Variants in ZCCHC10 observed in about 807,000 individuals in gnomAD.
The protein encoded by ZCCHC10 is zinc finger CCHC domain-containing protein 10.
ZCCHC10 carries 16 observed loss-of-function variants against 19.5 expected under a neutral mutation model. The observed-to-expected ratio is 0.82, with a 90% CI of 0.56 to 1.25. The LOEUF (loss-of-function observed/expected upper bound fraction) is 1.25, where lower values mean the gene tolerates loss of function less well. ZCCHC10 is among the 50% of genes most tolerant of loss of function. The pLI is 0.00. For synonymous variants in ZCCHC10, 67 were observed against 72.5 expected (o/e 0.92, Z 0.38); for missense variants, 197 against 201.0 (o/e 0.98, Z 0.12).
In ZCCHC10 at chr5:132,997,633, AATACC is replaced by A. The variant is rs535918765; in HGVS notation, c.*945_*949del. On this transcript the variant is annotated 3_prime_UTR_variant, in exon 5 of 5. Coordinates refer to ENST00000509437, the MANE Select transcript of ZCCHC10 (RefSeq NM_001300816.3). ...TATGACCAGTTACCATACAAACTAT[AATACC>A]ATATTTTCAAAAATAGCAAAAAGCA... 9.5e-4 allele frequency: 145 copies of A among 152,276 alleles called. No homozygotes were observed. Among genetic ancestry groups the A allele is most frequent in the African/African-American group, 3.3e-3 (137 of 41,576 alleles). 9.4% of individuals were successfully genotyped at this position (152,276 alleles called of 1,614,324 possible).
chr5:132,999,198 C>T (rs1269672310), intron 4 of ZCCHC10, among the ~76,000 whole-genome samples: 2 of 152,162 alleles, frequency 1.3e-5, no homozygotes, highest in African/African-American at 4.8e-5. Flanking sequence ...GCTAGGATTA[C>T]AGGCGTGAGC....
At chr5:133,000,198 G>C in intron 3 of ZCCHC10, 25 bp from the exon 4 acceptor site, 1 of 1,613,240 alleles carries the variant, frequency 6.2e-7, no homozygotes, top group Non-Finnish European at 8.5e-7. Flanking sequence ...GGGGAAAAAA[G>C]CTCCTGTTAA....
intron 4 of ZCCHC10, among the ~76,000 whole-genome samples, chr5:132,999,267 G>C (rs1762618482): frequency 6.6e-6 from 1 of 152,166 alleles, no homozygotes. Context: ...ATATATTGAA[G>C]CTTTGCTAGC....
chr5:132,998,564 C>G lies in ZCCHC10; in HGVS notation c.*19G>C. 1 of 1,603,882 alleles carries G rather than the reference C, an allele frequency of 6.2e-7. No homozygotes were observed. The highest frequency in any genetic ancestry group is 1.1e-5 in the South Asian group (1 of 90,656). ...CATCAATGTTTTCAGTCCATCAGTC[C>G]AATATGAATGGAGCAACTCTATTTC... On this transcript the variant is annotated 3_prime_UTR_variant, in exon 5 of 5. Coordinates refer to ENST00000509437, the MANE Select transcript of ZCCHC10 (RefSeq NM_001300816.3).
chr5:133,012,722 C>T (rs1478158656), intron 2 of ZCCHC10, among the ~76,000 whole-genome samples: 1 of 151,242 alleles, frequency 6.6e-6, no homozygotes, highest in Non-Finnish European at 1.5e-5. Flanking sequence ...CAAGACCAGC[C>T]TGGACAACAT....
intron 2 of ZCCHC10, among the ~76,000 whole-genome samples, chr5:133,007,316 G>T (rs1763184965): frequency 6.6e-6 from 1 of 152,088 alleles, no homozygotes; most frequent in Admixed American, 6.6e-5. Flanking sequence ...GCTAAGGCAG[G>T]CGGATTACGA....
rs775827637 is a variant in ZCCHC10 at position 132,998,704 on chromosome 5, G to A, written c.458C>T (p.Ser153Phe). 9.3e-6 allele frequency: 15 copies of A among 1,614,042 alleles called. No homozygotes were observed. Among genetic ancestry groups the A allele is most frequent in the Admixed American group, 1.7e-5 (1 of 59,988 alleles). The change falls in exon 5 of 5, where the codon TCC becomes TTC. Residue 153 changes from serine to phenylalanine, a missense_variant. Transcript: ENST00000509437. ...AGAGGAGGAGGAAGAGGTTGTGGAG[G>A]AGGCTGAGGATGAGGAACTAGAGGA... ...ESSSSSSSSA[S>F]STTSSSSSDS...
At chr5:133,015,545 C>T (rs1763865519) in intron 2 of ZCCHC10, among the ~76,000 whole-genome samples, 1 of 152,128 alleles carries the variant, frequency 6.6e-6, no homozygotes, top group African/African-American at 2.4e-5. Context: ...AAGACTAGGT[C>T]AAGTAGCTGC....
intron 3 of ZCCHC10, among the ~76,000 whole-genome samples, chr5:133,006,334 G>C (rs902028337): frequency 4.6e-5 from 7 of 152,160 alleles, no homozygotes; most frequent in Non-Finnish European, 8.8e-5. Flanking sequence ...TTCTTGGATA[G>C]CTTTCCATGT....
chr5:133,003,032 AC>A (rs1762873583), intron 3 of ZCCHC10: 1 of 186,858 alleles, frequency 5.4e-6, no homozygotes, highest in African/African-American at 2.4e-5. Flanking sequence ...TTTTTAAGAA[AC>A]AGGGTCTTGG....
intron 1 of ZCCHC10, among the ~76,000 whole-genome samples, chr5:133,025,503 C>CAAAAAAAAAAAAAA (rs74843776): frequency 1.6e-4 from 3 of 18,654 alleles, no homozygotes; most frequent in African/African-American, 4.2e-4. Context: ...GACTCCGCCT[C>CAAAAAAAAAAAAAA]AAAAAAAAAA....
intron 2 of ZCCHC10, among the ~76,000 whole-genome samples, chr5:133,010,367 T>A (rs1161559502): frequency 6.6e-6 from 1 of 151,980 alleles, no homozygotes; most frequent in East Asian, 1.9e-4. Flanking sequence ...CAAATTTTTC[T>A]GTAAAGGGTC....
intron 2 of ZCCHC10, among the ~76,000 whole-genome samples, chr5:133,020,133 C>G (rs1224907533): frequency 6.6e-6 from 1 of 152,002 alleles, no homozygotes; most frequent in African/African-American, 2.4e-5. Context: ...GAGTTCAAGA[C>G]AAGCCTGGGC....
chr5:133,021,371 G>A (rs1163536864), intron 2 of ZCCHC10, among the ~76,000 whole-genome samples: 1 of 152,100 alleles, frequency 6.6e-6, no homozygotes, highest in Non-Finnish European at 1.5e-5. Context: ...ACAATACTTA[G>A]GGACAAATCT....
intron 3 of ZCCHC10, among the ~76,000 whole-genome samples, chr5:133,004,665 T>C (rs1398100256): frequency 6.6e-6 from 1 of 151,656 alleles, no homozygotes; most frequent in Non-Finnish European, 1.5e-5. Context: ...ATTTTTTGTA[T>C]CTTTTTAGTA....
chr5:133,023,130 G>A (rs1171720007), intron 1 of ZCCHC10, among the ~76,000 whole-genome samples: 1 of 152,088 alleles, frequency 6.6e-6, no homozygotes, highest in Non-Finnish European at 1.5e-5. Flanking sequence ...CTTTTAGATA[G>A]ATTTGAAAAC....
chr5:133,019,519 T>C (rs1484193867), intron 2 of ZCCHC10, among the ~76,000 whole-genome samples: 1 of 152,192 alleles, frequency 6.6e-6, no homozygotes, highest in Non-Finnish European at 1.5e-5. Context: ...ACACTTGCCA[T>C]ATTGGCAAAG....
At chr5:133,016,465 C>T (rs943679719) in intron 2 of ZCCHC10, among the ~76,000 whole-genome samples, 5 of 151,878 alleles carry the variant, frequency 3.3e-5, no homozygotes, top group South Asian at 2.1e-4. Context: ...TATTCTGAGA[C>T]GGAGTTTTGC....
chr5:133,023,693 C>T (rs980772986), intron 1 of ZCCHC10, among the ~76,000 whole-genome samples: 1 of 151,620 alleles, frequency 6.6e-6, no homozygotes, highest in Non-Finnish European at 1.5e-5. Context: ...ATCACTTGAA[C>T]CTGGGAGGTG....
Sources: gnomAD v4.1 joint callset for allele counts (sites outside exome capture counted in the v4.1 genomes callset) on GRCh38, gnomAD v4.1.1 for gene constraint, MANE v1.5 for transcripts, NCBI Gene and HGNC (gene_info 2026-07-23, HGNC 2026-07-21) for gene names.